PTPRR: variants seen among roughly 807,000 people sequenced by gnomAD.
The protein encoded by PTPRR is receptor-type tyrosine-protein phosphatase R.
Under a neutral mutation model 77.2 loss-of-function variants are expected in PTPRR, and 38 were observed. The ratio of observed to expected loss-of-function variants is 0.49; its 90% CI spans 0.38 to 0.65. The LOEUF is 0.65. Among genes scored for constraint, PTPRR ranks in the 30% least tolerant of loss-of-function variants. The pLI is 0.00. For synonymous variants in PTPRR, 299 were observed against 283.1 expected (o/e 1.06, Z -0.57); for missense variants, 744 against 799.2 (o/e 0.93, Z 0.83).
intron 2 of PTPRR, among the ~76,000 whole-genome samples, chr12:70,866,070 C>T (rs1033683529): frequency 3.3e-5 from 5 of 151,904 alleles, no homozygotes; most frequent in African/African-American, 1.2e-4. Flanking sequence ...TAAATGCCCA[C>T]AAGAGAAAGC....
At chr12:70,741,346 A>T (rs1415039738) in intron 6 of PTPRR, among the ~76,000 whole-genome samples, 1 of 152,186 alleles carries the variant, frequency 6.6e-6, no homozygotes, top group African/African-American at 2.4e-5. Context: ...GGGTTATGGA[A>T]CTAAAGCAGC....
At chr12:70,680,619 TGG>T (rs1887619687) in intron 10 of PTPRR, among the ~76,000 whole-genome samples, 1 of 151,934 alleles carries the variant, frequency 6.6e-6, no homozygotes, top group East Asian at 1.9e-4. Flanking sequence ...CTGGTTAAGG[TGG>T]GGACCCGCTG....
At chr12:70,815,351 G>A (rs1172761738) in intron 2 of PTPRR, among the ~76,000 whole-genome samples, 1 of 152,074 alleles carries the variant, frequency 6.6e-6, no homozygotes, top group African/African-American at 2.4e-5. Flanking sequence ...AAGCTTAAGT[G>A]GCCTAATAAA....
chr12:70,867,460 C>T (rs1335232015), intron 2 of PTPRR, among the ~76,000 whole-genome samples: 3 of 151,930 alleles, frequency 2.0e-5, no homozygotes, highest in Non-Finnish European at 2.9e-5. Context: ...AATAAAATAC[C>T]TAGGAATCCA....
intron 2 of PTPRR, among the ~76,000 whole-genome samples, chr12:70,892,366 G>A (rs1169941360): frequency 6.6e-6 from 1 of 152,002 alleles, no homozygotes. Flanking sequence ...AGGAGGCTCA[G>A]TACAAGATAT....
At chr12:70,741,328 T>C (rs1166325615) in intron 6 of PTPRR, among the ~76,000 whole-genome samples, 3 of 152,170 alleles carry the variant, frequency 2.0e-5, no homozygotes, top group African/African-American at 4.8e-5. Context: ...AAATACTGTA[T>C]GCACACTGGG....
At chr12:70,875,763 T>C (rs1316990473) in intron 2 of PTPRR, among the ~76,000 whole-genome samples, 1 of 151,818 alleles carries the variant, frequency 6.6e-6, no homozygotes, top group Non-Finnish European at 1.5e-5. Flanking sequence ...TAGGAAGAAA[T>C]ATCTGTAACC....
At chr12:70,728,480 A>G (rs1381107350) in intron 6 of PTPRR, among the ~76,000 whole-genome samples, 5 of 9,750 alleles carry the variant, frequency 5.1e-4, no homozygotes, top group Non-Finnish European at 3.7e-3. Context: ...GTGTATATAT[A>G]TATATATATA....
At chr12:70,762,697 G>C (rs1197126139) in intron 3 of PTPRR, among the ~76,000 whole-genome samples, 1 of 152,152 alleles carries the variant, frequency 6.6e-6, no homozygotes, top group East Asian at 1.9e-4. Flanking sequence ...ACCGCTAAGC[G>C]ATAGGTATTA....
intron 2 of PTPRR, among the ~76,000 whole-genome samples, chr12:70,798,441 T>C (rs1051784363): frequency 2.0e-5 from 3 of 152,224 alleles, no homozygotes; most frequent in African/African-American, 7.2e-5. Context: ...TTTTATCTAT[T>C]CAGTGCAGAA....
intron 5 of PTPRR, among the ~76,000 whole-genome samples, chr12:70,747,278 T>C (rs1227554565): frequency 6.6e-6 from 1 of 152,222 alleles, no homozygotes; most frequent in East Asian, 1.9e-4. Flanking sequence ...TGTGTTCAGC[T>C]AAACATTTAA....
At chr12:70,714,981 T>C (rs1888967224) in intron 6 of PTPRR, among the ~76,000 whole-genome samples, 1 of 151,920 alleles carries the variant, frequency 6.6e-6, no homozygotes. Context: ...TGAGACCCTG[T>C]CTCCAAAAAA....
intron 1 of PTPRR, among the ~76,000 whole-genome samples, chr12:70,912,157 T>G (rs61263973): frequency 0.016 from 2,484 of 152,330 alleles, 77 homozygotes; most frequent in African/African-American, 0.057. Flanking sequence ...TTGATGGTCT[T>G]TCAACCTAAC....
chr12:70,787,985 C>A (rs943141061), intron 2 of PTPRR, among the ~76,000 whole-genome samples: 2 of 152,104 alleles, frequency 1.3e-5, no homozygotes, highest in Non-Finnish European at 2.9e-5. Flanking sequence ...TATTTTTAAT[C>A]TTTGTTGTCC....
Position 70,918,595 on chromosome 12 carries a change from C to T in PTPRR, c.58+1738G>A, listed in dbSNP as rs1045526199. On this transcript the variant is annotated intron_variant, in intron 1 of 13. Coordinates refer to ENST00000283228, the MANE Select transcript of PTPRR (RefSeq NM_002849.4). ...CATTTTTCTCATCCCGAATATTCAT[C>T]TACAGTAAATCAAGACATGTTTTTC... Among the ~76,000 whole-genome samples, 4 of 152,124 alleles carry T rather than the reference C, an allele frequency of 2.6e-5. No homozygotes were observed. The East Asian group carries it at 7.7e-4, about 29-fold the overall frequency.
chr12:70,917,339 A>C (rs779830900), intron 1 of PTPRR, among the ~76,000 whole-genome samples: 14 of 152,170 alleles, frequency 9.2e-5, no homozygotes, highest in Non-Finnish European at 1.8e-4. Context: ...CCAGTGTATA[A>C]TTTTATATAG....
At chr12:70,897,561 T>C (rs1893452729) in intron 1 of PTPRR, among the ~76,000 whole-genome samples, 1 of 152,034 alleles carries the variant, frequency 6.6e-6, no homozygotes, top group Admixed American at 6.6e-5. Flanking sequence ...TTGGTGGGAC[T>C]GTAAATTAGT....
intron 2 of PTPRR, among the ~76,000 whole-genome samples, chr12:70,810,587 G>A (rs890228688): frequency 6.6e-6 from 1 of 152,134 alleles, no homozygotes; most frequent in East Asian, 1.9e-4. Flanking sequence ...TTACTGTTAT[G>A]TATAATAAAT....
intron 2 of PTPRR, among the ~76,000 whole-genome samples, chr12:70,890,605 G>A (rs1039224975): frequency 1.3e-5 from 2 of 151,686 alleles, no homozygotes; most frequent in East Asian, 3.9e-4. Flanking sequence ...ACCCTGGCTG[G>A]AAAAAAAATG....
Sources: allele counts gnomAD v4.1 joint callset (sites outside exome capture counted in the v4.1 genomes callset), GRCh38; gene constraint gnomAD v4.1.1; transcripts MANE v1.5; gene names NCBI Gene and HGNC (gene_info 2026-07-23, HGNC 2026-07-21).